Variants in PPARA observed in about 807,000 individuals in gnomAD.
PPARA encodes peroxisome proliferator-activated receptor alpha.
In PPARA, 22 loss-of-function variants were observed where a neutral mutation model predicts 42.2. The observed-to-expected ratio is 0.52, with a 90% confidence interval of 0.37 to 0.74. The LOEUF (loss-of-function observed/expected upper bound fraction) is 0.74. Among genes scored for constraint, PPARA ranks in the 30% least tolerant of loss-of-function variants. PPARA has a pLI of 0.00. For synonymous variants in PPARA, 242 were observed against 239.3 expected, an observed-to-expected ratio of 1.01 and a Z score of -0.10; for missense variants, 465 against 608.2, an observed-to-expected ratio of 0.76 and a Z score of 2.48.
intron 4 of PPARA, among the ~76,000 whole-genome samples, chr22:46,214,347 G>A (rs147939428): frequency 7.3e-5 from 11 of 151,496 alleles, no homozygotes; most frequent in African/African-American, 2.4e-4. Flanking sequence ...GTACCCAGAG[G>A]TGCAGATCGG....
chr22:46,172,607 G>A (rs1166980154), intron 2 of PPARA, among the ~76,000 whole-genome samples: 1 of 152,118 alleles, frequency 6.6e-6, no homozygotes, highest in Non-Finnish European at 1.5e-5. Flanking sequence ...GAGAGAGCAA[G>A]GCCCCATCTC....
chr22:46,173,636 A>G lies in PPARA; in HGVS notation c.-126-3117A>G, dbSNP rs962231297. Among the ~76,000 whole-genome samples, 3 of 152,256 alleles carry G rather than the reference A, an allele frequency of 2.0e-5. No individual in the cohort carries two copies. Among genetic ancestry groups the G allele is most frequent in the Non-Finnish European group, 4.4e-5 (3 of 68,040 alleles). ...TTCAGATTAAAAGAGAGAAGACAAT[A>G]AAATGTAATACCTGACTCTGAACAG... On this transcript the variant is annotated intron_variant, in intron 2 of 8. Coordinates refer to ENST00000407236, the MANE Select transcript of PPARA (RefSeq NM_005036.6). The surrounding 1 kb of genome is among the most constrained non-coding windows in gnomAD (Gnocchi z 4.3).
chr22:46,215,049 G>A, intron 4 of PPARA, 124 bp from the exon 5 acceptor site: 1 of 1,204,588 alleles, frequency 8.3e-7, no homozygotes, highest in East Asian at 2.4e-5. Flanking sequence ...CCCCGCATGG[G>A]TGTTCTGAGG....
In PPARA at chr22:46,190,612, G is replaced by T. The variant is rs1392855245; in HGVS notation, c.-42-7730G>T. ...ACAAAAATACAAAAATTAGCTGGGG[G>T]TGGTGGCAGCGCCTGTAGTCCAAAC... On this transcript the variant is annotated intron_variant, in intron 3 of 8. Coordinates refer to ENST00000407236, the MANE Select transcript of PPARA (RefSeq NM_005036.6). The surrounding 1 kb of genome is among the most constrained non-coding windows in gnomAD (Gnocchi z 5.6). Among the ~76,000 whole-genome samples, 3 of 152,124 alleles carry T rather than the reference G, an allele frequency of 2.0e-5. No individual in the cohort carries two copies. Among genetic ancestry groups the T allele is most frequent in the East Asian group, 1.9e-4 (1 of 5,196 alleles).
rs534547929 is a variant in PPARA at position 46,236,572 on chromosome 22, G to A, written c.*1192G>A. The A allele has an allele frequency of 3.3e-5, 5 of 152,656 alleles. No homozygotes were observed. The highest frequency in any genetic ancestry group is 7.3e-5 in the Non-Finnish European group (5 of 68,058). The allele number at this position is 152,656 out of a possible 1,614,324, so 9.5% of individuals were successfully genotyped here. Reference sequence around the variant, plus strand: ...TTAGGGACAGACTGACACCTTACTTGTCAGTGTTCCTCCGGGCCCCATTTG... The same window carrying A: ...TTAGGGACAGACTGACACCTTACTTATCAGTGTTCCTCCGGGCCCCATTTG... On this transcript the variant is annotated 3_prime_UTR_variant, in exon 9 of 9. Coordinates refer to ENST00000407236, the MANE Select transcript of PPARA (RefSeq NM_005036.6). This position sits in a 1 kb window ranked among gnomAD's most constrained non-coding sequence, Gnocchi z 5.2.
intron 3 of PPARA, among the ~76,000 whole-genome samples, chr22:46,185,910 AAAAAAAATATATATATATATAT>A (rs1329690550): frequency 9.0e-5 from 6 of 66,370 alleles, no homozygotes; most frequent in African/African-American, 2.1e-4. Flanking sequence ...AAAAAAAAAA[AAAAAAAATATATATATATATAT>A]ATATATATAT....
In PPARA at chr22:46,227,647, C is replaced by T. The variant is rs903402887; in HGVS notation, c.712-4145C>T. ...CTTCGTAGGCCACATGAGTGTGTGC[C>T]GGGACCAGTGTGGCAGCAAGCGGGG... On this transcript the variant is annotated intron_variant, in intron 7 of 8. Transcript: ENST00000407236. The surrounding 1 kb of genome is among the most constrained non-coding windows in gnomAD (Gnocchi z 4.3). 2.6e-5 allele frequency among the ~76,000 whole-genome samples: 4 copies of T among 152,142 alleles called. No individual in the cohort carries two copies. Among genetic ancestry groups the T allele is most frequent in the East Asian group, 3.9e-4 (2 of 5,194 alleles).
intron 2 of PPARA, among the ~76,000 whole-genome samples, chr22:46,172,304 T>G (rs1928186443): frequency 7.8e-6 from 1 of 128,980 alleles, no homozygotes; most frequent in Non-Finnish European, 1.6e-5. Flanking sequence ...AACCACAGGA[T>G]GAATGCAAGT....
chr22:46,161,406 C>A lies in PPARA; in HGVS notation c.-127+9436C>A, dbSNP rs1926146156. On this transcript the variant is annotated intron_variant, in intron 2 of 8. Coordinates refer to ENST00000407236, the MANE Select transcript of PPARA (RefSeq NM_005036.6). The surrounding 1 kb of genome is among the most constrained non-coding windows in gnomAD (Gnocchi z 4.8). ...AAGAGATCGAGACCAGCCTGGCCAA[C>A]ATGGTGAAACCCCGTCTCTACTAAA... is the stretch of plus-strand genomic sequence containing the variant. 6.6e-6 allele frequency among the ~76,000 whole-genome samples: 1 copy of A among 152,026 alleles called. No homozygotes were observed. The highest frequency in any genetic ancestry group is 2.4e-5 in the African/African-American group (1 of 41,396).
At chr22:46,181,652 G>GC (rs1929990908) in intron 3 of PPARA, among the ~76,000 whole-genome samples, 1 of 152,194 alleles carries the variant, frequency 6.6e-6, no homozygotes, top group Admixed American at 6.5e-5. Context: ...CGGGTGGCCA[G>GC]CCGAGGGTAC....
chr22:46,232,275 C>G lies in PPARA; in HGVS notation c.1159+36C>G. Reference sequence around the variant, plus strand: ...GATTTAATCTGCTGGTATCATGTCACTGACAGGCTCCTGTCTTGAAAAATT... The same window carrying G: ...GATTTAATCTGCTGGTATCATGTCAGTGACAGGCTCCTGTCTTGAAAAATT... On this transcript the variant is annotated intron_variant, in intron 8 of 8. Transcript: ENST00000407236. The surrounding 1 kb of genome is among the most constrained non-coding windows in gnomAD (Gnocchi z 5.3). 2 of 1,603,746 alleles carry G rather than the reference C, an allele frequency of 1.2e-6. No homozygotes were observed. The highest frequency in any genetic ancestry group is 1.7e-6 in the Non-Finnish European group (2 of 1,170,822).
Position 46,224,287 on chromosome 22 carries a change from C to T in PPARA, c.711+4273C>T, listed in dbSNP as rs576209461. Among the ~76,000 whole-genome samples the T allele has an allele frequency of 6.6e-6, 1 of 152,244 alleles. No homozygotes were observed. Among genetic ancestry groups the T allele is most frequent in the East Asian group, 1.9e-4 (1 of 5,154 alleles). The stretch of plus-strand genomic sequence containing the variant: ...AGCTGGCTCCTTCAGGTGCAGGATA[C>T]CCTCTCTGCTTAGTCTGGGAAAAGG... On this transcript the variant is annotated intron_variant, in intron 7 of 8. Transcript: ENST00000407236. The surrounding 1 kb of genome is among the most constrained non-coding windows in gnomAD (Gnocchi z 5.7).
chr22:46,191,958 A>G lies in PPARA; in HGVS notation c.-42-6384A>G, dbSNP rs1026840294. Among the ~76,000 whole-genome samples, 4 of 152,212 alleles carry G rather than the reference A, an allele frequency of 2.6e-5. No homozygotes were observed. Among genetic ancestry groups the G allele is most frequent in the African/African-American group, 9.6e-5 (4 of 41,462 alleles). Reference sequence around the variant, plus strand: ...CGCACGCCCGTAGTCCCAGCTACTCAGGAGGCTGAGGCAGGAGAATCACTT... The same window carrying G: ...CGCACGCCCGTAGTCCCAGCTACTCGGGAGGCTGAGGCAGGAGAATCACTT... On this transcript the variant is annotated intron_variant, in intron 3 of 8. Coordinates refer to ENST00000407236, the MANE Select transcript of PPARA (RefSeq NM_005036.6). This position sits in a 1 kb window ranked among gnomAD's most constrained non-coding sequence, Gnocchi z 4.6.
Position 46,160,767 on chromosome 22 carries a change from G to T in PPARA, c.-127+8797G>T, listed in dbSNP as rs151033281. Among the ~76,000 whole-genome samples the T allele has an allele frequency of 6.6e-6, 1 of 152,006 alleles. No homozygotes were observed. The highest frequency in any genetic ancestry group is 2.4e-5 in the African/African-American group (1 of 41,380). On this transcript the variant is annotated intron_variant, in intron 2 of 8. Coordinates refer to ENST00000407236, the MANE Select transcript of PPARA (RefSeq NM_005036.6). The surrounding 1 kb of genome is among the most constrained non-coding windows in gnomAD (Gnocchi z 4.5). ...AGGTGCACACCACCACACCCAACTAGATTTTGTGTTTTTTGTAGAGATGGG... is the reference window on the plus strand; with the variant it reads ...AGGTGCACACCACCACACCCAACTATATTTTGTGTTTTTTGTAGAGATGGG...
chr22:46,223,724 C>T (rs574757502), intron 7 of PPARA, among the ~76,000 whole-genome samples: 45 of 148,888 alleles, frequency 3.0e-4, no homozygotes, highest in East Asian at 2.0e-3. Flanking sequence ...CAGAGGAGGG[C>T]GGATTACCTG....
intron 7 of PPARA, chr22:46,220,605 T>G (rs1034450460): frequency 1.2e-5 from 2 of 161,608 alleles, no homozygotes; most frequent in African/African-American, 4.8e-5. Context: ...AGCACTGGCA[T>G]TACAGGTGTG....
intron 2 of PPARA, among the ~76,000 whole-genome samples, chr22:46,166,618 C>CAA (rs60478706): frequency 0.083 from 8,791 of 105,392 alleles, 977 homozygotes; most frequent in African/African-American, 0.29. Context: ...ACTACCATCT[C>CAA]AAAAAAAAAA....
Position 46,184,771 on chromosome 22 carries a change from C to T in PPARA, c.-43+7935C>T, listed in dbSNP as rs1930432986. 6.6e-6 allele frequency among the ~76,000 whole-genome samples: 1 copy of T among 152,220 alleles called. No individual in the cohort carries two copies. The highest frequency in any genetic ancestry group is 2.4e-5 in the African/African-American group (1 of 41,454). On this transcript the variant is annotated intron_variant, in intron 3 of 8. Coordinates refer to ENST00000407236, the MANE Select transcript of PPARA (RefSeq NM_005036.6). The surrounding 1 kb of genome is among the most constrained non-coding windows in gnomAD (Gnocchi z 4.4). ...TCGGGAGGCTGAGGCACGAGAATTG[C>T]TTTAACCTGGGAGGTGGAGGTTGCA...
intron 7 of PPARA, among the ~76,000 whole-genome samples, chr22:46,226,634 C>A (rs1205778152): frequency 6.6e-6 from 1 of 152,104 alleles, no homozygotes; most frequent in African/African-American, 2.4e-5. Flanking sequence ...GACTGGCATG[C>A]AAGTTGGGAT....
Sources: allele counts gnomAD v4.1 joint callset (sites outside exome capture counted in the v4.1 genomes callset), GRCh38; gene constraint gnomAD v4.1.1; non-coding constraint Gnocchi (gnomAD v3.1); transcripts MANE v1.5; gene names NCBI Gene and HGNC (gene_info 2026-07-23, HGNC 2026-07-21).